Variants in PLIN4 observed in about 807,000 individuals in gnomAD.
The protein encoded by PLIN4 is perilipin-4.
Under a neutral mutation model 52.4 loss-of-function variants are expected in PLIN4, and 57 were observed. The ratio of observed to expected loss-of-function variants is 1.09; its 90% CI spans 0.88 to 1.36. The LOEUF is 1.36. PLIN4 is among the 40% of genes most tolerant of loss of function. The pLI is 0.00. For synonymous variants in PLIN4, 826 were observed against 785.4 expected (o/e 1.05, Z -0.86); for missense variants, 1,757 against 1,770.3 (o/e 0.99, Z 0.13).
chr19:4,516,873 C>G (rs905551843), intron 3 of PLIN4, among the ~76,000 whole-genome samples, 195 bp from the exon 4 acceptor site: 10 of 152,232 alleles, frequency 6.6e-5, no homozygotes, highest in Non-Finnish European at 1.5e-5. Flanking sequence ...GGGGCTCCCC[C>G]CAAGCCCAGG....
chr19:4,510,381 A>G (rs1201307296), intron 5 of PLIN4, 65 bp downstream of exon 5: 2 of 1,315,566 alleles, frequency 1.5e-6, no homozygotes, highest in Admixed American at 6.3e-5. Flanking sequence ...AAAAAACAAA[A>G]CAGTCAAGGA....
chr19:4,508,848 C>T lies in PLIN4; in HGVS notation c.3622G>A (p.Glu1208Lys). Reference protein sequence around the residue: ...LGPSFRQRAFEHAVSHLQHGQ... With the variant: ...LGPSFRQRAFKHAVSHLQHGQ... The stretch of plus-strand genomic sequence containing the variant: ...TGCTGCAGGTGGCTCACCGCGTGTT[C>T]AAATGCCCGCTGGCGGAAGCTGGGA... The change falls in exon 6 of 8, where the codon GAA becomes AAA. Residue 1208 changes from glutamate (E) to lysine (K), a missense_variant. Transcript: ENST00000301286. 2 of 1,611,014 alleles carry T rather than the reference C, an allele frequency of 1.2e-6. No homozygotes were observed. Among genetic ancestry groups the T allele is most frequent in the Non-Finnish European group, 1.7e-6 (2 of 1,178,912 alleles).
Position 4,512,630 on chromosome 19 carries a change from T to C in PLIN4, c.1330A>G (p.Met444Val), listed in dbSNP as rs60931060. Residue 444 changes from methionine to valine, a missense_variant, in exon 5 of 8, where the codon ATG becomes GTG. By Grantham distance (21) the Met-to-Val change is conservative. Around this residue, in one of 7 missense-constraint regions of PLIN4, gnomAD observed 439 missense variants for 406.4 expected, o/e 1.08. Transcript: ENST00000301286. ...DTVCSGVTGA[M>V]NLARGTIQTG... The stretch of plus-strand genomic sequence containing the variant: ...TGGATGGTTCCTCTGGCCAAATTCA[T>C]GGCACCAGTCACCCCACTGCAGACG... 0.019 allele frequency: 29,083 copies of C among 1,565,228 alleles called. 2,846 individuals carry two copies. The African/African-American group carries it at 0.22, about 12-fold the overall frequency.
In PLIN4 at chr19:4,512,969, T is replaced by C. The variant is rs1295764482; in HGVS notation, c.991A>G (p.Thr331Ala). 1.5e-6 allele frequency: 1 copy of C among 654,488 alleles called. No homozygotes were observed. Among genetic ancestry groups the C allele is most frequent in the African/African-American group, 2.7e-5 (1 of 37,018 alleles). The allele number at this position is 654,488 out of a possible 1,614,324, so 40.5% of individuals were successfully genotyped here. ...CTACAGACGGTGTCCTTGGTACCTG[T>C]TAGGACAGTCTTACTGGTGTCCACG... ...TGVDTSKTVLTGTKDTVCSGV... is the reference protein window; with the variant it reads ...TGVDTSKTVLAGTKDTVCSGV... Residue 331 changes from threonine to alanine, a missense_variant, in exon 5 of 8, where the codon ACA (threonine) becomes GCA (alanine). Coordinates refer to ENST00000301286, the MANE Select transcript of PLIN4 (RefSeq NM_001367868.2).
In PLIN4 at chr19:4,516,526, A is replaced by G. The variant is rs532331880; in HGVS notation, c.258+91T>C. 64 of 1,441,234 alleles carry G rather than the reference A, an allele frequency of 4.4e-5. No homozygotes were observed. The African/African-American group carries it at 7.5e-4, about 17-fold the overall frequency. 89.3% of individuals were successfully genotyped at this position (1,441,234 alleles called of 1,614,324 possible). ...GAACTGAAATGTCCCAGGAGGGAGC[A>G]GCCCCCCAGATAGCAGGAACTGAAA... On this transcript the variant is annotated intron_variant, in intron 4 of 7. Coordinates refer to ENST00000301286, the MANE Select transcript of PLIN4 (RefSeq NM_001367868.2).
Position 4,516,604 on chromosome 19 carries a change from C to A in PLIN4, c.258+13G>T, listed in dbSNP as rs757997921. On this transcript the variant is annotated intron_variant, in intron 4 of 7. Transcript: ENST00000301286. Reference sequence around the variant, plus strand: ...TCCTGCCACATCAGACCCTGCCCTGCACATCCTCTCACCTTTTCCGAAGGT... The same window carrying A: ...TCCTGCCACATCAGACCCTGCCCTGAACATCCTCTCACCTTTTCCGAAGGT... The A allele has an allele frequency of 1.9e-6, 3 of 1,599,908 alleles. No homozygotes were observed. The South Asian group carries it at 3.4e-5, about 18-fold the overall frequency.
rs73540178 is a variant in PLIN4 at position 4,512,114 on chromosome 19, C to T, written c.1846G>A (p.Val616Ile). ...TTGGTGGTGTCCATGCCTGTCTGGACGGTCCCTTTGGCGACATTCACTGCC... is the reference window on the plus strand; with the variant it reads ...TTGGTGGTGTCCATGCCTGTCTGGATGGTCCCTTTGGCGACATTCACTGCC... ...VGAVNVAKGT[V>I]QTGMDTTKTV... The change falls in exon 5 of 8, where the codon GTC becomes ATC. Residue 616 changes from valine (V) to isoleucine (I), a missense_variant. This residue lies in a region of PLIN4 where 439 missense variants were observed against 406.4 expected (regional missense o/e 1.08). Transcript: ENST00000301286. 9.5e-4 allele frequency: 1,521 copies of T among 1,606,350 alleles called. 48 individuals are homozygous for T. In the African/African-American group the frequency reaches 0.017, roughly 18 times the overall value.
In PLIN4 at chr19:4,510,985, C is replaced by T. The variant is rs922897472; in HGVS notation, c.2975G>A (p.Gly992Asp). The T allele has an allele frequency of 1.2e-6, 2 of 1,613,010 alleles. No individual in the cohort carries two copies. The highest frequency in any genetic ancestry group is 2.7e-5 in the African/African-American group (2 of 74,828). Reference protein sequence around the residue: ...GVDASKAVLMGTKDTVFSGVT... With the variant: ...GVDASKAVLMDTKDTVFSGVT... Reference sequence around the variant, plus strand: ...CCCACTGAAGACAGTGTCCTTGGTACCCATAAGCACAGCCTTGGAGGCGTC... The same window carrying T: ...CCCACTGAAGACAGTGTCCTTGGTATCCATAAGCACAGCCTTGGAGGCGTC... The change falls in exon 5 of 8, where the codon GGT becomes GAT. Residue 992 changes from glycine to aspartate, a missense_variant. Gly to Asp is a moderately conservative substitution (Grantham distance 94). Transcript: ENST00000301286.
Position 4,508,765 on chromosome 19 carries a change from T to C in PLIN4, c.3702+3A>G. 5 of 1,575,062 alleles carry C rather than the reference T, an allele frequency of 3.2e-6. No homozygotes were observed. The highest frequency in any genetic ancestry group is 4.3e-6 in the Non-Finnish European group (5 of 1,161,040). On this transcript the variant is annotated splice_donor_region_variant and intron_variant, in intron 6 of 7. Coordinates refer to ENST00000301286, the MANE Select transcript of PLIN4 (RefSeq NM_001367868.2). ...CGGGGCAGCAGCAGGGGGAAGCTCT[T>C]ACCAGCCTGAAGCAGTCCTGGAGCT...
intron 6 of PLIN4, among the ~76,000 whole-genome samples, chr19:4,507,507 A>G (rs1315991569): frequency 6.6e-6 from 1 of 152,178 alleles, no homozygotes; most frequent in African/African-American, 2.4e-5. Flanking sequence ...ACATAGCAAA[A>G]TCTAATCTCT....
chr19:4,510,065 TAAA>T (rs201007779), intron 5 of PLIN4, among the ~76,000 whole-genome samples: 26 of 151,332 alleles, frequency 1.7e-4, no homozygotes, highest in Admixed American at 5.3e-4. Flanking sequence ...AATACATTTT[TAAA>T]AAAAAAGTCA....
chr19:4,504,385 G>A lies in PLIN4; in HGVS notation c.*74C>T. 7.4e-7 allele frequency: 1 copy of A among 1,358,348 alleles called. No individual in the cohort carries two copies. The highest frequency in any genetic ancestry group is 1.5e-5 in the South Asian group (1 of 64,944). The allele number at this position is 1,358,348 out of a possible 1,614,324, so 84.1% of individuals were successfully genotyped here. A position where few individuals can be genotyped will look rare whatever the true frequency, so the allele number is the denominator to read the frequency against. ...GGGAACCGATCCAGGTTTGGGGGCG[G>A]GGAGAAAGTTCTGAGGCAGCTCCTC... On this transcript the variant is annotated 3_prime_UTR_variant, in exon 8 of 8. Coordinates refer to ENST00000301286, the MANE Select transcript of PLIN4 (RefSeq NM_001367868.2).
rs758512286 is a variant in PLIN4, at chr19:4,504,049, G to A, written c.*410C>T. On this transcript the variant is annotated 3_prime_UTR_variant, in exon 8 of 8. Transcript: ENST00000301286. ...CTGCACCGCTGATAGCTGGGGGCCC[G>A]TGCTGCAGGACTGGAAGAGCCCTGC... 4.8e-5 allele frequency: 8 copies of A among 167,638 alleles called. No individual in the cohort carries two copies. Among genetic ancestry groups the A allele is most frequent in the Non-Finnish European group, 1.0e-4 (8 of 78,946 alleles). 10.4% of individuals were successfully genotyped at this position (167,638 alleles called of 1,614,324 possible).
Position 4,502,197 on chromosome 19 carries a change from TAATGAAAAAAGA to T in PLIN4, c.*2250_*2261del. 1 of 671,178 alleles carries T rather than the reference TAATGAAAAAAGA, an allele frequency of 1.5e-6. No homozygotes were observed. The highest frequency in any genetic ancestry group is 2.7e-6 in the Non-Finnish European group (1 of 376,424). 41.6% of individuals were successfully genotyped at this position (671,178 alleles called of 1,614,324 possible). On this transcript the variant is annotated 3_prime_UTR_variant, in exon 8 of 8. Transcript: ENST00000301286. ...CATGAAATGACTATAAATGGTTTTT[TAATGAAAAAAGA>T]AATCACTTTTATTGGCTTGGTTTTC... is the stretch of plus-strand genomic sequence containing the variant.
rs555073043 is a variant in PLIN4, at chr19:4,511,506, T to G, written c.2454A>C (p.Val818=). The G allele has an allele frequency of 6.7e-7, 1 of 1,501,272 alleles. No homozygotes were observed. The highest frequency in any genetic ancestry group is 1.1e-5 in the South Asian group (1 of 87,456). 93.0% of individuals were successfully genotyped at this position (1,501,272 alleles called of 1,614,324 possible). Residue 818 remains valine, a synonymous_variant, in exon 5 of 8, where the codon GTA becomes GTC. Coordinates refer to ENST00000301286, the MANE Select transcript of PLIN4 (RefSeq NM_001367868.2). ...CGGTCAGCACGGTCTTGGCCGTGTC[T>G]ACACCCATCTGGACGGCCCCCTTGG... ...NVAKGAVQMG[V]DTAKTVLTGT...
At chr19:4,506,040 G>A (rs1376911194) in intron 6 of PLIN4, among the ~76,000 whole-genome samples, 4 of 152,084 alleles carry the variant, frequency 2.6e-5, no homozygotes, top group Non-Finnish European at 5.9e-5. Flanking sequence ...CCTGAGGCCC[G>A]GCAGCACTTG....
chr19:4,506,108 T>TCC, intron 6 of PLIN4, among the ~76,000 whole-genome samples: 1 of 151,970 alleles, frequency 6.6e-6, no homozygotes, highest in Non-Finnish European at 1.5e-5. Flanking sequence ...TGGCCTGACC[T>TCC]CCCCCATCAG....
rs552003159 is a variant in PLIN4 at position 4,518,098 on chromosome 19, C to CCCCACCAG, written c.51+116_51+123dup. The CCCCACCAG allele has an allele frequency of 1.5e-4, 133 of 864,954 alleles. 1 individual carries two copies. In the African/African-American group the frequency reaches 2.1e-3, roughly 14 times the overall value. The allele number at this position is 864,954 out of a possible 1,614,324, so 53.6% of individuals were successfully genotyped here. A position where few individuals can be genotyped will look rare whatever the true frequency, so the allele number is the denominator to read the frequency against. On this transcript the variant is annotated intron_variant, in intron 2 of 7. Transcript: ENST00000301286. ...ATTGGCATCATGGCTCCCAGACCGCCCCCACCAGCCCACCAGGGAAGCACC... is the reference window on the plus strand; with the variant it reads ...ATTGGCATCATGGCTCCCAGACCGCCCCCACCAGCCCACCAGCCCACCAGGGAAGCACC...
Position 4,508,895 on chromosome 19 carries a change from A to G in PLIN4, c.3575T>C (p.Phe1192Ser). 6.2e-7 allele frequency: 1 copy of G among 1,613,122 alleles called. No homozygotes were observed. The highest frequency in any genetic ancestry group is 8.5e-7 in the Non-Finnish European group (1 of 1,179,840). ...KVLSAEQGSY[F>S]VRLGDLGPSF... ...GGGACCCAGGTCACCTAAACGAACG[A>G]AGTAGCTCCCCTGTTCCGCCGACAG... The change falls in exon 6 of 8, where the codon TTC (phenylalanine) becomes TCC (serine). Residue 1192 changes from phenylalanine (F) to serine (S), a missense_variant. Phe to Ser is a radical substitution (Grantham distance 155). Transcript: ENST00000301286.
Sources: gnomAD v4.1 joint callset for allele counts (sites outside exome capture counted in the v4.1 genomes callset) on GRCh38, gnomAD v4.1.1 for gene constraint, gnomAD v4.1.1 regional missense constraint, MANE v1.5 for transcripts, NCBI Gene and HGNC (gene_info 2026-07-23, HGNC 2026-07-21) for gene names.